CCDC167: variants seen among roughly 807,000 people sequenced by gnomAD.
The protein encoded by CCDC167 is coiled-coil domain-containing protein 167.
In CCDC167, 15 loss-of-function variants were observed where a neutral mutation model predicts 12.7. The observed-to-expected ratio is 1.18, with a 90% confidence interval of 0.79 to 1.81. The LOEUF (loss-of-function observed/expected upper bound fraction) is 1.81, where lower values mean the gene tolerates loss of function less well. Ranked by LOEUF, CCDC167 falls within the 40% of genes most tolerant of loss-of-function variation. The pLI is 0.00. For missense variants in CCDC167, 121 were observed against 120.1 expected (o/e 1.01, Z -0.03); for synonymous variants, 52 against 49.0 (o/e 1.06, Z -0.26).
Position 37,485,205 on chromosome 6 carries a change from G to A in CCDC167, c.43-11C>T. Reference sequence around the variant, plus strand: ...CTCTAGCCCATCGATCTGAAACAAAGGCCACAGAGAGGTGGGCTGCCGAGG... The same window carrying A: ...CTCTAGCCCATCGATCTGAAACAAAAGCCACAGAGAGGTGGGCTGCCGAGG... On this transcript the variant is annotated splice_polypyrimidine_tract_variant and intron_variant, in intron 1 of 3. Coordinates refer to ENST00000373408, the MANE Select transcript of CCDC167 (RefSeq NM_138493.3). 1.2e-6 allele frequency: 2 copies of A among 1,607,462 alleles called. No homozygotes were observed. Among genetic ancestry groups the A allele is most frequent in the Non-Finnish European group, 1.7e-6 (2 of 1,175,556 alleles).
At chr6:37,484,503 C>T (rs1161180718) in intron 3 of CCDC167, among the ~76,000 whole-genome samples, 1 of 151,140 alleles carries the variant, frequency 6.6e-6, no homozygotes, top group Non-Finnish European at 1.5e-5. Context: ...TGGGCTGGGG[C>T]GTGGGGAGAG....
intron 1 of CCDC167, among the ~76,000 whole-genome samples, chr6:37,489,548 G>A (rs1015174038): frequency 5.3e-5 from 8 of 152,220 alleles, no homozygotes; most frequent in Non-Finnish European, 7.4e-5. Context: ...GAATCCTAGC[G>A]TGAGAGGCCT....
intron 1 of CCDC167, among the ~76,000 whole-genome samples, chr6:37,498,593 G>A (rs1400301940): frequency 1.3e-5 from 2 of 151,808 alleles, no homozygotes; most frequent in Non-Finnish European, 1.5e-5. Flanking sequence ...AGGCTAAGGC[G>A]GGCGGGCAGA....
intron 1 of CCDC167, among the ~76,000 whole-genome samples, chr6:37,491,266 G>A (rs371687528): frequency 1.1e-4 from 16 of 152,306 alleles, no homozygotes; most frequent in South Asian, 8.3e-4. Context: ...ACAGGCTACC[G>A]TTCACTCTAT....
chr6:37,486,466 G>A (rs1761944238), intron 1 of CCDC167, among the ~76,000 whole-genome samples: 1 of 152,112 alleles, frequency 6.6e-6, no homozygotes, highest in Non-Finnish European at 1.5e-5. Context: ...AAGTCTCTGG[G>A]CCTTCTGTCT....
At chr6:37,484,266 C>G (rs1032032109) in intron 3 of CCDC167, among the ~76,000 whole-genome samples, 1 of 152,200 alleles carries the variant, frequency 6.6e-6, no homozygotes, top group African/African-American at 2.4e-5. Context: ...ACCTATAGAC[C>G]GTGGTCCTCC....
In CCDC167 at chr6:37,485,532, C is replaced by T. The variant is rs1353156233; in HGVS notation, c.43-338G>A. 5.3e-5 allele frequency among the ~76,000 whole-genome samples: 8 copies of T among 152,242 alleles called. No homozygotes were observed. The East Asian group carries it at 1.3e-3, about 26-fold the overall frequency. ...CCCTTGGTCTGTTGTCTCCCCAGCACGATGCCCCAGTTGGGCGCACAACAG... is the reference window on the plus strand; with the variant it reads ...CCCTTGGTCTGTTGTCTCCCCAGCATGATGCCCCAGTTGGGCGCACAACAG... On this transcript the variant is annotated intron_variant, in intron 1 of 3. Coordinates refer to ENST00000373408, the MANE Select transcript of CCDC167 (RefSeq NM_138493.3).
chr6:37,491,254 C>T (rs776017578), intron 1 of CCDC167, among the ~76,000 whole-genome samples: 21 of 152,206 alleles, frequency 1.4e-4, no homozygotes, highest in Non-Finnish European at 2.8e-4. Flanking sequence ...ACAGTTCGAG[C>T]CACAGGCTAC....
At chr6:37,496,617 A>G (rs1021929884) in intron 1 of CCDC167, among the ~76,000 whole-genome samples, 5 of 152,178 alleles carry the variant, frequency 3.3e-5, no homozygotes, top group Admixed American at 6.5e-5. Flanking sequence ...GAAGGATGCA[A>G]AAGAAATACA....
chr6:37,487,238 C>A (rs188034467), intron 1 of CCDC167, among the ~76,000 whole-genome samples: 1 of 152,156 alleles, frequency 6.6e-6, no homozygotes, highest in South Asian at 2.1e-4. Flanking sequence ...TGCCTGGTCC[C>A]GGCAGAGGCC....
At chr6:37,492,207 C>T (rs1762030906) in intron 1 of CCDC167, among the ~76,000 whole-genome samples, 1 of 152,206 alleles carries the variant, frequency 6.6e-6, no homozygotes, top group African/African-American at 2.4e-5. Flanking sequence ...ATGCTCTTTC[C>T]ACCACTTCAA....
intron 1 of CCDC167, among the ~76,000 whole-genome samples, chr6:37,495,392 A>G (rs1762086457): frequency 6.6e-6 from 1 of 152,222 alleles, no homozygotes; most frequent in Non-Finnish European, 1.5e-5. Context: ...GAAAACACAA[A>G]CAGGTTTTAC....
intron 3 of CCDC167, among the ~76,000 whole-genome samples, chr6:37,484,377 G>A (rs546473598): frequency 3.3e-4 from 50 of 152,284 alleles, no homozygotes; most frequent in Non-Finnish European, 6.6e-4. Context: ...AGAAGGTGGC[G>A]GCATCGCTCC....
At chr6:37,493,038 C>G (rs992732992) in intron 1 of CCDC167, among the ~76,000 whole-genome samples, 4 of 152,220 alleles carry the variant, frequency 2.6e-5, no homozygotes, top group South Asian at 2.1e-4. Flanking sequence ...ATTTCTCTCG[C>G]AGGTTGTGCA....
chr6:37,492,074 C>T (rs1762029190), intron 1 of CCDC167, among the ~76,000 whole-genome samples: 1 of 152,206 alleles, frequency 6.6e-6, no homozygotes, highest in African/African-American at 2.4e-5. Context: ...CAAGGAAGGG[C>T]CCATCTCCAT....
At chr6:37,494,505 A>C (rs1762072656) in intron 1 of CCDC167, among the ~76,000 whole-genome samples, 1 of 152,188 alleles carries the variant, frequency 6.6e-6, no homozygotes, top group African/African-American at 2.4e-5. Context: ...TCTACTCCAG[A>C]AGGTGGAAAA....
chr6:37,483,528 A>ATGTGGT (rs1471959668), intron 3 of CCDC167, among the ~76,000 whole-genome samples: 1 of 152,196 alleles, frequency 6.6e-6, no homozygotes, highest in Non-Finnish European at 1.5e-5. Flanking sequence ...GGCTCTTTAA[A>ATGTGGT]TGTGGTTGAG....
intron 1 of CCDC167, among the ~76,000 whole-genome samples, chr6:37,496,949 G>A (rs984977492): frequency 3.9e-5 from 6 of 152,188 alleles, no homozygotes; most frequent in East Asian, 1.9e-4. Flanking sequence ...TTTCTCTGCC[G>A]GTGGACACAT....
intron 1 of CCDC167, among the ~76,000 whole-genome samples, chr6:37,489,537 A>G (rs1176871966): frequency 2.0e-5 from 3 of 152,210 alleles, no homozygotes; most frequent in African/African-American, 4.8e-5. Flanking sequence ...GGCACCTGGT[A>G]GAATCCTAGC....
Sources: gnomAD v4.1 joint callset for allele counts (sites outside exome capture counted in the v4.1 genomes callset) on GRCh38, gnomAD v4.1.1 for gene constraint, MANE v1.5 for transcripts, NCBI Gene and HGNC (gene_info 2026-07-23, HGNC 2026-07-21) for gene names.